ERBB4: variants seen among roughly 807,000 people sequenced by gnomAD.
ERBB4 encodes receptor tyrosine-protein kinase erbB-4.
A neutral mutation model predicts 158.0 loss-of-function variants in ERBB4; 42 were observed. The ratio of observed to expected loss-of-function variants is 0.27; its 90% CI spans 0.21 to 0.34. ERBB4 has a LOEUF of 0.34. ERBB4 is among the 10% of genes least tolerant of loss of function. The pLI is 1.00. For missense variants in ERBB4, 1,333 were observed against 1,624.1 expected (o/e 0.82, Z 3.08); for synonymous variants, 583 against 558.7 (o/e 1.04, Z -0.61).
chr2:211,886,413 A>G (rs2078802723), intron 3 of ERBB4, among the ~76,000 whole-genome samples: 1 of 152,226 alleles, frequency 6.6e-6, no homozygotes, highest in Non-Finnish European at 1.5e-5. Flanking sequence ...GAAGGCACTC[A>G]AAAAATATTC....
chr2:212,243,550 T>C (rs1574505592), intron 1 of ERBB4, among the ~76,000 whole-genome samples: 1 of 152,216 alleles, frequency 6.6e-6, no homozygotes, highest in Non-Finnish European at 1.5e-5. Flanking sequence ...ACTACAGTTA[T>C]ACTTTATCAC....
At chr2:211,904,492 C>T (rs970292961) in intron 3 of ERBB4, among the ~76,000 whole-genome samples, 12 of 152,016 alleles carry the variant, frequency 7.9e-5, no homozygotes, top group African/African-American at 2.7e-4. Flanking sequence ...TCCATTTTCT[C>T]ATTTTATAAA....
At chr2:212,300,717 T>C (rs543898946) in intron 1 of ERBB4, among the ~76,000 whole-genome samples, 1 of 151,568 alleles carries the variant, frequency 6.6e-6, no homozygotes, top group South Asian at 2.1e-4. Context: ...ATAAGGGTGA[T>C]AGAACTACCT....
chr2:211,893,041 C>A (rs531853399), intron 3 of ERBB4, among the ~76,000 whole-genome samples: 1 of 148,296 alleles, frequency 6.7e-6, no homozygotes, highest in Non-Finnish European at 1.5e-5. Context: ...ACTTTCCTCA[C>A]AGAATTGGAA....
chr2:211,393,003 A>G (rs2062835157), intron 25 of ERBB4, among the ~76,000 whole-genome samples: 1 of 152,054 alleles, frequency 6.6e-6, no homozygotes, highest in South Asian at 2.1e-4. Flanking sequence ...TTCATCTTTC[A>G]TATATGTCTC....
At chr2:212,060,521 T>A (rs1575582560) in intron 2 of ERBB4, among the ~76,000 whole-genome samples, 1 of 149,270 alleles carries the variant, frequency 6.7e-6, no homozygotes, top group Non-Finnish European at 1.5e-5. Context: ...GTATGTTTAT[T>A]GCGGCACTAT....
intron 3 of ERBB4, among the ~76,000 whole-genome samples, chr2:211,887,779 T>C (rs1366596468): frequency 2.6e-5 from 4 of 152,152 alleles, no homozygotes; most frequent in African/African-American, 4.8e-5. Context: ...ACTTAATATG[T>C]TTATTGTCGG....
intron 16 of ERBB4, 189 bp downstream of exon 16, chr2:211,657,565 G>T: frequency 1.6e-6 from 1 of 608,790 alleles, no homozygotes; most frequent in Non-Finnish European, 3.0e-6. Context: ...GTATCACAAT[G>T]AATGAAGGAA....
intron 1 of ERBB4, among the ~76,000 whole-genome samples, chr2:212,512,649 T>C (rs574582076): frequency 3.5e-4 from 53 of 152,314 alleles, no homozygotes; most frequent in African/African-American, 1.2e-3. Context: ...ACTTGATATT[T>C]TCCTATTTCA....
At chr2:212,267,721 G>T (rs573333812) in intron 1 of ERBB4, among the ~76,000 whole-genome samples, 1 of 150,736 alleles carries the variant, frequency 6.6e-6, no homozygotes, top group African/African-American at 2.4e-5. Flanking sequence ...TTAACGTTAG[G>T]TGTATCTCCT....
chr2:212,388,993 A>G (rs886136043), intron 1 of ERBB4, among the ~76,000 whole-genome samples: 2 of 152,134 alleles, frequency 1.3e-5, no homozygotes, highest in African/African-American at 4.8e-5. Context: ...TACCTGCTTT[A>G]CAAGTCAATA....
At chr2:212,045,125 G>A (rs1260438986) in intron 2 of ERBB4, among the ~76,000 whole-genome samples, 1 of 152,144 alleles carries the variant, frequency 6.6e-6, no homozygotes. Context: ...TGACCTTTGG[G>A]ACTTGGATTC....
rs548927433 is a variant in ERBB4, at chr2:212,309,003, TA to T, written c.83-184101del. 7.8e-3 allele frequency among the ~76,000 whole-genome samples: 1,176 copies of T among 151,004 alleles called. 9 individuals carry two copies. Among genetic ancestry groups the T allele is most frequent in the Non-Finnish European group, 0.013 (893 of 67,184 alleles). On this transcript the variant is annotated intron_variant, in intron 1 of 27. Transcript: ENST00000342788. ...GAGGTTCTTTTCAATTTAAAGTGTA[TA>T]AAATTGCTACAGTAAGTTAATTTGA...
At chr2:211,821,122 A>G (rs2105942109) in intron 3 of ERBB4, among the ~76,000 whole-genome samples, 1 of 152,044 alleles carries the variant, frequency 6.6e-6, no homozygotes, top group Non-Finnish European at 1.5e-5. Flanking sequence ...CTGTTTGTAG[A>G]TGACACAATC....
intron 2 of ERBB4, among the ~76,000 whole-genome samples, chr2:212,055,356 A>T (rs2077525371): frequency 1.3e-5 from 2 of 152,042 alleles, no homozygotes; most frequent in Middle Eastern, 3.4e-3. Flanking sequence ...GCTTCTGTAG[A>T]CTCCACCTCT....
intron 12 of ERBB4, among the ~76,000 whole-genome samples, chr2:211,699,234 G>A (rs1300368574): frequency 6.6e-6 from 1 of 152,164 alleles, no homozygotes; most frequent in Non-Finnish European, 1.5e-5. Flanking sequence ...ATGCATGTGT[G>A]TTGTATGTGG....
chr2:211,572,773 G>A (rs2067767782), intron 19 of ERBB4, among the ~76,000 whole-genome samples: 1 of 152,162 alleles, frequency 6.6e-6, no homozygotes, highest in Admixed American at 6.5e-5. Flanking sequence ...AACTTTGTAT[G>A]CCATGTGTTT....
At chr2:212,213,388 GT>G (rs1327721896) in intron 1 of ERBB4, among the ~76,000 whole-genome samples, 1 of 151,940 alleles carries the variant, frequency 6.6e-6, no homozygotes, top group Non-Finnish European at 1.5e-5. Context: ...ATATATGAGG[GT>G]TTAGTGGTAA....
Position 212,124,896 on chromosome 2 carries a change from T to C in ERBB4, c.90A>G (p.Ala30=), listed in dbSNP as rs762377716. The C allele has an allele frequency of 2.2e-5, 35 of 1,614,070 alleles. No individual in the cohort carries two copies. The highest frequency in any genetic ancestry group is 2.9e-5 in the Non-Finnish European group (34 of 1,180,014). The part of the protein sequence containing the change: ...VQPSDSQSVC[A]GTENKLSSLS... ...GAGAGCTCAGTTTATTCTCCGTTCC[T>C]GCACACACTGCAAAGACAAGAAGAT... Residue 30 remains alanine (A), a synonymous_variant, in exon 2 of 28, where the codon GCA becomes GCG. Transcript: ENST00000342788.
Sources: allele counts gnomAD v4.1 joint callset (sites outside exome capture counted in the v4.1 genomes callset), GRCh38; gene constraint gnomAD v4.1.1; transcripts MANE v1.5; gene names NCBI Gene and HGNC (gene_info 2026-07-23, HGNC 2026-07-21).